Variants in PDGFRB observed in about 807,000 individuals in gnomAD.
PDGFRB encodes the protein platelet-derived growth factor receptor beta.
A neutral mutation model predicts 120.2 loss-of-function variants in PDGFRB; 42 were observed. That is an observed-to-expected ratio of 0.35 (90% CI 0.27 to 0.45). The LOEUF (loss-of-function observed/expected upper bound fraction) is 0.45, where lower values mean the gene tolerates loss of function less well. PDGFRB is among the 20% of genes least tolerant of loss of function. The pLI is 1.00. For synonymous variants in PDGFRB, 586 were observed against 606.8 expected (o/e 0.97, Z 0.50); for missense variants, 1,149 against 1,476.3 (o/e 0.78, Z 3.63).
chr5:150,150,317 C>G (rs987331902), intron 1 of PDGFRB, among the ~76,000 whole-genome samples: 3 of 152,186 alleles, frequency 2.0e-5, no homozygotes, highest in Non-Finnish European at 2.9e-5. Context: ...GACCTTAGTT[C>G]CCATCCATAC....
chr5:150,129,727 C>A lies in PDGFRB; in HGVS notation c.1579+30G>T, dbSNP rs73277741. ...GCAGGATTAAGGTAGGGATTGGGAT[C>A]GTCAGGGGCCACTGAGGCTGGGGAC... On this transcript the variant is annotated intron_variant, in intron 10 of 22. Transcript: ENST00000261799. The A allele has an allele frequency of 5.6e-3, 8,780 of 1,568,794 alleles. 436 individuals are homozygous for A. In the African/African-American group the frequency reaches 0.11, roughly 19 times the overall value.
In PDGFRB at chr5:150,132,941, C is replaced by G. The variant is rs1367367619; in HGVS notation, c.936G>C (p.Glu312Asp). 1 of 1,556,686 alleles carries G rather than the reference C, an allele frequency of 6.4e-7. No homozygotes were observed. The highest frequency in any genetic ancestry group is 1.2e-5 in the South Asian group (1 of 84,612). ...DEKAINITVV[E>D]SGYVRLLGEV... ...CTCCCAGGAGCCGCACGTAGCCGCT[C>G]TCTGCAAGGGGTGACCGTCAGGGGC... The change falls in exon 7 of 23, where the codon GAG (glutamate) becomes GAC (aspartate). Residue 312 changes from glutamate (E) to aspartate (D), a missense_variant and splice_region_variant. Glu to Asp is a conservative substitution (Grantham distance 45, BLOSUM62 2). This residue lies in a region of PDGFRB where 879 missense variants were observed against 1,108.6 expected (regional missense o/e 0.79). Transcript: ENST00000261799. The surrounding 1 kb of genome is among the most constrained non-coding windows in gnomAD (Gnocchi z 5.0).
Position 150,115,609 on chromosome 5 carries a change from T to G in PDGFRB, c.*154A>C. On this transcript the variant is annotated 3_prime_UTR_variant, in exon 23 of 23. Transcript: ENST00000261799. ...CTTGCCTCCTAAGCCAGCCCCAGGG[T>G]TTGGGGCACAACACGTCAGGAGCAG... The G allele has an allele frequency of 3.1e-6, 2 of 639,266 alleles. No individual in the cohort carries two copies. Among genetic ancestry groups the G allele is most frequent in the Non-Finnish European group, 2.4e-6 (1 of 412,800 alleles). 39.6% of individuals were successfully genotyped at this position (639,266 alleles called of 1,614,324 possible). A position where few individuals can be genotyped will look rare whatever the true frequency, so the allele number is the denominator to read the frequency against.
In PDGFRB at chr5:150,120,297, G is replaced by A. The variant is rs1338475740; in HGVS notation, c.2587-174C>T. On this transcript the variant is annotated intron_variant, in intron 18 of 22. Transcript: ENST00000261799. This position sits in a 1 kb window ranked among gnomAD's most constrained non-coding sequence, Gnocchi z 4.3. ...AGTTCCCATGTCCATCCCAGGGCTG[G>A]TCAGAGGACCAGAGGCTGTTTCCTT... Among the ~76,000 whole-genome samples, 1 of 152,142 alleles carries A rather than the reference G, an allele frequency of 6.6e-6. No individual in the cohort carries two copies. Among genetic ancestry groups the A allele is most frequent in the South Asian group, 2.1e-4 (1 of 4,824 alleles).
At chr5:150,118,664 C>T in intron 21 of PDGFRB, 83 bp downstream of exon 21, 3 of 855,824 alleles carry the variant, frequency 3.5e-6, no homozygotes, top group Non-Finnish European at 6.0e-6. Context: ...TAAATGCCAG[C>T]CCATCACGCA....
intron 22 of PDGFRB, among the ~76,000 whole-genome samples, chr5:150,116,251 G>A (rs1447043334): frequency 1.3e-5 from 2 of 152,184 alleles, no homozygotes; most frequent in South Asian, 2.1e-4. Context: ...TCCTAAAGGT[G>A]TATGCTATCT....
chr5:150,121,813 A>G lies in PDGFRB; in HGVS notation c.2344+67T>C. On this transcript the variant is annotated intron_variant, in intron 16 of 22. Coordinates refer to ENST00000261799, the MANE Select transcript of PDGFRB (RefSeq NM_002609.4). This position sits in a 1 kb window ranked among gnomAD's most constrained non-coding sequence, Gnocchi z 4.1. Reference sequence around the variant, plus strand: ...CTCCCTTCTTCTCAGGGTTTTTGGCAAGGCTGGGCATGTGAAGAGCATCAG... The same window carrying G: ...CTCCCTTCTTCTCAGGGTTTTTGGCGAGGCTGGGCATGTGAAGAGCATCAG... The G allele has an allele frequency of 1.6e-6, 2 of 1,260,786 alleles. No homozygotes were observed. The highest frequency in any genetic ancestry group is 1.5e-5 in the African/African-American group (1 of 67,898). The allele number at this position is 1,260,786 out of a possible 1,614,324, so 78.1% of individuals were successfully genotyped here.
At chr5:150,133,254 T>C (rs972457374) in intron 6 of PDGFRB, among the ~76,000 whole-genome samples, 2 of 152,158 alleles carry the variant, frequency 1.3e-5, no homozygotes, top group African/African-American at 2.4e-5. Flanking sequence ...TTCCCGGACC[T>C]GGGATGGCAG....
rs200834112 is a variant in PDGFRB, at chr5:150,123,130, T to C, written c.2095A>G (p.Thr699Ala). 6.2e-7 allele frequency: 1 copy of C among 1,613,864 alleles called. No homozygotes were observed. The change falls in exon 15 of 23, where the codon ACC becomes GCC. Residue 699 changes from threonine to alanine, a missense_variant. Coordinates refer to ENST00000261799, the MANE Select transcript of PDGFRB (RefSeq NM_002609.4). The stretch of plus-strand genomic sequence containing the variant: ...TTGTCGGAGTGGTGCTGCAGGAAGG[T>C]GTGTTTGTTGCGGTGCAGGTAGTCC... ...LVDYLHRNKH[T>A]FLQHHSDKRR... is the part of the protein sequence containing the mutation.
chr5:150,127,853 A>AAAAAC (rs1554108649), intron 10 of PDGFRB, among the ~76,000 whole-genome samples: 2 of 151,030 alleles, frequency 1.3e-5, no homozygotes, highest in Non-Finnish European at 3.0e-5. Flanking sequence ...AAAAAAAAAA[A>AAAAAC]AAAAAACTTT....
rs752263132 is a variant in PDGFRB at position 150,130,552 on chromosome 5, T to C, written c.1354A>G (p.Arg452Gly). Residue 452 changes from arginine to glycine, a missense_variant, in exon 9 of 23, where the codon AGA (arginine) becomes GGA (glycine). Around this residue, in one of 3 missense-constraint regions of PDGFRB, gnomAD observed 879 missense variants for 1,108.6 expected, o/e 0.79. Coordinates refer to ENST00000261799, the MANE Select transcript of PDGFRB (RefSeq NM_002609.4). The part of the protein sequence containing the change: ...PQPNIIWSAC[R>G]DLKRCPRELP... ...AGGTCTGCTCACCTTTTGAGGTCTC[T>C]GCAGGCAGACCAGATGATGTTCGGC... The C allele has an allele frequency of 6.2e-7, 1 of 1,611,966 alleles. No homozygotes were observed. Among genetic ancestry groups the C allele is most frequent in the Non-Finnish European group, 8.5e-7 (1 of 1,179,136 alleles).
Position 150,115,584 on chromosome 5 carries a change from C to T in PDGFRB, c.*179G>A. 1 of 517,338 alleles carries T rather than the reference C, an allele frequency of 1.9e-6. No individual in the cohort carries two copies. Among genetic ancestry groups the T allele is most frequent in the Non-Finnish European group, 3.2e-6 (1 of 313,156 alleles). 32.0% of individuals were successfully genotyped at this position (517,338 alleles called of 1,614,324 possible). ...GGCTGGTCACGGCCCCTGCAGTTTT[C>T]TTGCCTCCTAAGCCAGCCCCAGGGT... On this transcript the variant is annotated 3_prime_UTR_variant, in exon 23 of 23. Coordinates refer to ENST00000261799, the MANE Select transcript of PDGFRB (RefSeq NM_002609.4).
Position 150,132,186 on chromosome 5 carries a change from G to T in PDGFRB, c.1128-92C>A. The T allele has an allele frequency of 1.4e-6, 1 of 707,040 alleles. No homozygotes were observed. 43.8% of individuals were successfully genotyped at this position (707,040 alleles called of 1,614,324 possible). On this transcript the variant is annotated intron_variant, in intron 7 of 22. Transcript: ENST00000261799. The surrounding 1 kb of genome is among the most constrained non-coding windows in gnomAD (Gnocchi z 5.0). ...ATAAAGAGGAACAAGGCCCAGGGAG[G>T]GGAAGGGCTTGCCAAGGTCATCTCG...
At chr5:150,137,292 G>T in intron 1 of PDGFRB, 1 of 494,404 alleles carries the variant, frequency 2.0e-6, no homozygotes, top group Non-Finnish European at 3.6e-6. Context: ...CTCTGCTTGT[G>T]ACTCTCACGT....
chr5:150,125,411 C>T (rs2113896844), intron 12 of PDGFRB, 34 bp downstream of exon 12: 1 of 1,586,504 alleles, frequency 6.3e-7, no homozygotes, highest in Non-Finnish European at 8.6e-7. Context: ...AACTTGAGTC[C>T]CCACACTGCC....
intron 10 of PDGFRB, among the ~76,000 whole-genome samples, chr5:150,129,484 A>T (rs1020614732): frequency 6.6e-6 from 1 of 152,256 alleles, no homozygotes. Flanking sequence ...GCTCATGTAC[A>T]TGGCTTACGA....
chr5:150,134,628 G>A (rs1024092324), intron 4 of PDGFRB, 122 bp downstream of exon 4: 29 of 892,428 alleles, frequency 3.2e-5, no homozygotes, highest in African/African-American at 2.5e-4. Context: ...ATCTTCCTTC[G>A]AAGGCTGTGG....
At chr5:150,142,756 T>C (rs1760817701) in intron 1 of PDGFRB, among the ~76,000 whole-genome samples, 1 of 152,152 alleles carries the variant, frequency 6.6e-6, no homozygotes, top group African/African-American at 2.4e-5. Flanking sequence ...GTTTTATTTA[T>C]AAATAAGGCA....
chr5:150,127,077 G>A (rs1379910195), intron 10 of PDGFRB, among the ~76,000 whole-genome samples: 4 of 152,232 alleles, frequency 2.6e-5, no homozygotes, highest in African/African-American at 4.8e-5. Context: ...GGTGGACTGA[G>A]TGAGTGGCCA....
Sources: gnomAD v4.1 joint callset for allele counts (sites outside exome capture counted in the v4.1 genomes callset) on GRCh38, gnomAD v4.1.1 for gene constraint, gnomAD v4.1.1 regional missense constraint, Gnocchi (gnomAD v3.1) non-coding constraint, MANE v1.5 for transcripts, NCBI Gene and HGNC (gene_info 2026-07-23, HGNC 2026-07-21) for gene names.